Variants in IQCM observed in about 807,000 individuals in gnomAD.
IQCM encodes the protein IQ domain-containing protein M.
IQCM carries 45 observed loss-of-function variants against 57.6 expected under a neutral mutation model. The observed-to-expected ratio is 0.78, with a 90% CI of 0.62 to 1.00. IQCM has a LOEUF of 1.00. Among genes scored for constraint, IQCM ranks in the 50% least tolerant of loss-of-function variants. The pLI, the probability that IQCM is intolerant of heterozygous loss-of-function variation, is 0.00. For missense variants in IQCM, 468 were observed against 511.6 expected (o/e 0.91, Z 0.82); for synonymous variants, 148 against 158.9 (o/e 0.93, Z 0.51).
chr4:149,558,216 C>T (rs1389847111), intron 10 of IQCM, among the ~76,000 whole-genome samples: 1 of 152,142 alleles, frequency 6.6e-6, no homozygotes. Flanking sequence ...TAGACAATGA[C>T]ATTGACTTTC....
chr4:149,395,830 A>T (rs1732186502), intron 13 of IQCM, among the ~76,000 whole-genome samples: 1 of 151,958 alleles, frequency 6.6e-6, no homozygotes, highest in Non-Finnish European at 1.5e-5. Flanking sequence ...ATCTTATAAA[A>T]ATCCTTGTAA....
chr4:149,657,717 G>A (rs748347014), intron 7 of IQCM, among the ~76,000 whole-genome samples: 7 of 151,836 alleles, frequency 4.6e-5, no homozygotes, highest in Admixed American at 3.3e-4. Context: ...AAATGAGATG[G>A]TATCTCATTA....
At chr4:149,504,264 C>T (rs1743555930) in intron 12 of IQCM, among the ~76,000 whole-genome samples, 1 of 152,138 alleles carries the variant, frequency 6.6e-6, no homozygotes, top group Non-Finnish European at 1.5e-5. Context: ...AAATGATTTA[C>T]TCTTAAATAG....
chr4:149,438,405 T>C (rs1735579913), intron 12 of IQCM, among the ~76,000 whole-genome samples: 1 of 152,062 alleles, frequency 6.6e-6, no homozygotes, highest in African/African-American at 2.4e-5. Flanking sequence ...GCCAATACTG[T>C]GAAGTTTTTA....
chr4:149,670,753 G>A (rs901142488), intron 7 of IQCM, among the ~76,000 whole-genome samples: 2 of 152,060 alleles, frequency 1.3e-5, no homozygotes, highest in Non-Finnish European at 2.9e-5. Context: ...TTTTGTCTTA[G>A]GTTCTGTTCA....
At chr4:149,627,951 G>T (rs1306942716) in intron 7 of IQCM, among the ~76,000 whole-genome samples, 1 of 152,082 alleles carries the variant, frequency 6.6e-6, no homozygotes, top group African/African-American at 2.4e-5. Flanking sequence ...GTCAAGGAAT[G>T]CAGGTGGCCT....
chr4:149,370,475 C>T (rs1278966671), intron 13 of IQCM, among the ~76,000 whole-genome samples: 1 of 151,996 alleles, frequency 6.6e-6, no homozygotes, highest in Non-Finnish European at 1.5e-5. Flanking sequence ...TCCTCCTCCG[C>T]CCAGAGGACC....
intron 13 of IQCM, among the ~76,000 whole-genome samples, chr4:149,419,621 C>T (rs1002260439): frequency 1.3e-4 from 19 of 151,870 alleles, no homozygotes; most frequent in East Asian, 3.9e-4. Flanking sequence ...GCAATTGCAA[C>T]GAAGCCAAAA....
At chr4:149,363,286 C>A (rs1172139576) in intron 13 of IQCM, among the ~76,000 whole-genome samples, 1 of 152,108 alleles carries the variant, frequency 6.6e-6, no homozygotes, top group African/African-American at 2.4e-5. Flanking sequence ...CTTCATCAGG[C>A]TTCCTGAGCT....
chr4:149,733,596 T>G (rs1766664119), intron 4 of IQCM, 88 bp from the exon 5 acceptor site: 1 of 632,902 alleles, frequency 1.6e-6, no homozygotes, highest in Admixed American at 4.4e-5. Context: ...AATAAGTTCA[T>G]GAAATTGCAC....
chr4:149,469,534 G>C (rs1739266053), intron 12 of IQCM, among the ~76,000 whole-genome samples: 1 of 152,220 alleles, frequency 6.6e-6, no homozygotes, highest in African/African-American at 2.4e-5. Flanking sequence ...ATGGAAGCAA[G>C]TTGGAAAACA....
intron 12 of IQCM, among the ~76,000 whole-genome samples, chr4:149,471,523 G>C (rs1051062428): frequency 6.6e-6 from 1 of 152,108 alleles, no homozygotes; most frequent in Non-Finnish European, 1.5e-5. Context: ...ATTCACAGCC[G>C]AATTCTACCA....
chr4:149,415,617 T>C (rs1436122424), intron 13 of IQCM, among the ~76,000 whole-genome samples: 1 of 152,090 alleles, frequency 6.6e-6, no homozygotes, highest in Admixed American at 6.6e-5. Context: ...AACAGCAATG[T>C]TCACCCTACA....
rs569368085 is a variant in IQCM, at chr4:149,570,958, C to T, written c.750-7068G>A. Among the ~76,000 whole-genome samples the T allele has an allele frequency of 4.6e-5, 7 of 152,140 alleles. No homozygotes were observed. The East Asian group carries it at 5.8e-4, about 13-fold the overall frequency. The stretch of plus-strand genomic sequence containing the variant: ...AAAAGCACAATGAGTTATCACCTCA[C>T]ACATGTTAGAATTTACTATCAGAAA... On this transcript the variant is annotated intron_variant, in intron 9 of 13. Coordinates refer to ENST00000636793, the MANE Select transcript of IQCM (RefSeq NM_001363507.2).
At chr4:149,787,582 T>C (rs568457027) in intron 2 of IQCM, among the ~76,000 whole-genome samples, 85 of 152,236 alleles carry the variant, frequency 5.6e-4, no homozygotes, top group African/African-American at 1.7e-3. Flanking sequence ...AGAACATCCA[T>C]TGGGGAAAGA....
chr4:149,381,767 AT>A (rs1731094933), intron 13 of IQCM, among the ~76,000 whole-genome samples: 1 of 150,660 alleles, frequency 6.6e-6, no homozygotes, highest in African/African-American at 2.5e-5. Flanking sequence ...GTATGTATGT[AT>A]GTATTTTTAG....
chr4:149,726,840 G>A (rs936465626), intron 5 of IQCM, among the ~76,000 whole-genome samples: 3 of 151,910 alleles, frequency 2.0e-5, no homozygotes, highest in Non-Finnish European at 4.4e-5. Flanking sequence ...CAGCTAGAGT[G>A]CAGTGGTGCA....
chr4:149,640,260 T>A (rs1758073393), intron 7 of IQCM, among the ~76,000 whole-genome samples: 1 of 152,196 alleles, frequency 6.6e-6, no homozygotes, highest in African/African-American at 2.4e-5. Flanking sequence ...TGGATATTAA[T>A]CCCCTCAAGC....
At chr4:149,649,379 T>G (rs1267699196) in intron 7 of IQCM, among the ~76,000 whole-genome samples, 1 of 152,116 alleles carries the variant, frequency 6.6e-6, no homozygotes, top group East Asian at 1.9e-4. Flanking sequence ...TTGATTTTCC[T>G]AAGTGTGCAG....
Sources: gnomAD v4.1 joint callset for allele counts (sites outside exome capture counted in the v4.1 genomes callset) on GRCh38, gnomAD v4.1.1 for gene constraint, MANE v1.5 for transcripts, NCBI Gene and HGNC (gene_info 2026-07-23, HGNC 2026-07-21) for gene names.